TESK2: variants seen among roughly 807,000 people sequenced by gnomAD.
TESK2 encodes testis associated actin remodelling kinase 2.
In TESK2, 39 loss-of-function variants were observed where a neutral mutation model predicts 57.1. That is an observed-to-expected ratio of 0.68 (90% confidence interval 0.53 to 0.89). The LOEUF is 0.89. Among genes scored for constraint, TESK2 ranks in the 40% least tolerant of loss-of-function variants. TESK2 has a pLI of 0.00. For missense variants in TESK2, 646 were observed against 732.1 expected, an observed-to-expected ratio of 0.88 and a Z score of 1.36; for synonymous variants, 249 against 267.9, an observed-to-expected ratio of 0.93 and a Z score of 0.69.
At chr1:45,355,207 T>C in intron 5 of TESK2, 96 bp downstream of exon 5, 2 of 1,364,498 alleles carry the variant, frequency 1.5e-6, no homozygotes, top group Non-Finnish European at 2.0e-6. Context: ...TAATGAATTA[T>C]GTCCTCTGTG....
At chr1:45,409,318 A>G (rs1252961158) in intron 3 of TESK2, among the ~76,000 whole-genome samples, 1 of 152,222 alleles carries the variant, frequency 6.6e-6, no homozygotes, top group Non-Finnish European at 1.5e-5. Flanking sequence ...GAAATATATC[A>G]TATGATTCTG....
chr1:45,383,052 G>T (rs1648727838), intron 4 of TESK2, among the ~76,000 whole-genome samples: 1 of 152,138 alleles, frequency 6.6e-6, no homozygotes, highest in African/African-American at 2.4e-5. Flanking sequence ...TAATGTCAAT[G>T]TTTTATAGGT....
intron 4 of TESK2, among the ~76,000 whole-genome samples, chr1:45,357,104 G>A (rs998497293): frequency 6.6e-6 from 1 of 151,938 alleles, no homozygotes; most frequent in Non-Finnish European, 1.5e-5. Context: ...GCTAAGGCAG[G>A]AGAATCACTT....
At chr1:45,395,298 G>A (rs926715849) in intron 3 of TESK2, among the ~76,000 whole-genome samples, 3 of 152,150 alleles carry the variant, frequency 2.0e-5, no homozygotes, top group African/African-American at 7.2e-5. Flanking sequence ...CTATACGGTA[G>A]AGTCTATTGA....
intron 1 of TESK2, among the ~76,000 whole-genome samples, chr1:45,472,877 C>T (rs1044012006): frequency 6.6e-6 from 1 of 151,642 alleles, no homozygotes; most frequent in African/African-American, 2.4e-5. Flanking sequence ...GTGGCTTACG[C>T]CTGTAATCCC....
chr1:45,396,740 C>T (rs149279963), intron 3 of TESK2, among the ~76,000 whole-genome samples: 55 of 151,420 alleles, frequency 3.6e-4, no homozygotes, highest in African/African-American at 1.1e-3. Context: ...CCACCTGCCT[C>T]GGCCTCCCAA....
chr1:45,364,515 A>C (rs1175607036), intron 4 of TESK2, among the ~76,000 whole-genome samples: 1 of 152,220 alleles, frequency 6.6e-6, no homozygotes. Context: ...CAGCCTTCAG[A>C]ACTCTGAGAT....
chr1:45,347,127 C>CCCTG (rs780750486), intron 7 of TESK2, 65 bp from the exon 8 acceptor site: 51 of 1,363,710 alleles, frequency 3.7e-5, no homozygotes, highest in Non-Finnish European at 4.9e-5. Context: ...CTGCCCCTGC[C>CCCTG]CCTGCCTCCC....
intron 3 of TESK2, among the ~76,000 whole-genome samples, chr1:45,390,520 C>T (rs1274911020): frequency 6.6e-6 from 1 of 151,284 alleles, no homozygotes; most frequent in Non-Finnish European, 1.5e-5. Context: ...ATCTAATTCA[C>T]TTTTTATTTG....
At chr1:45,360,971 C>T (rs1647655773) in intron 4 of TESK2, among the ~76,000 whole-genome samples, 1 of 152,204 alleles carries the variant, frequency 6.6e-6, no homozygotes, top group Non-Finnish European at 1.5e-5. Flanking sequence ...GCTGTGTCAC[C>T]ACACCCAGCT....
intron 2 of TESK2, among the ~76,000 whole-genome samples, chr1:45,444,938 A>G (rs1431634524): frequency 6.6e-6 from 1 of 152,144 alleles, no homozygotes; most frequent in Admixed American, 6.6e-5. Flanking sequence ...CCACACAGTT[A>G]GAATTATGGT....
intron 1 of TESK2, among the ~76,000 whole-genome samples, chr1:45,458,143 T>TA (rs1320808322): frequency 6.6e-6 from 1 of 152,238 alleles, no homozygotes; most frequent in Non-Finnish European, 1.5e-5. Context: ...ATTGAGCACC[T>TA]ACTTTCTAGG....
At chr1:45,420,746 G>A (rs933713080) in intron 3 of TESK2, among the ~76,000 whole-genome samples, 5 of 150,736 alleles carry the variant, frequency 3.3e-5, no homozygotes, top group Non-Finnish European at 5.9e-5. Flanking sequence ...CACCACGCCC[G>A]GCTAACTGTT....
chr1:45,407,053 GA>G (rs1004651435), intron 3 of TESK2, among the ~76,000 whole-genome samples: 1 of 151,882 alleles, frequency 6.6e-6, no homozygotes, highest in Non-Finnish European at 1.5e-5. Context: ...ACATTCAGGG[GA>G]AAAAAATCAA....
chr1:45,452,248 TAC>T (rs1271173621), intron 2 of TESK2, among the ~76,000 whole-genome samples: 4 of 152,156 alleles, frequency 2.6e-5, no homozygotes, highest in Non-Finnish European at 4.4e-5. Flanking sequence ...GTTTATTGAT[TAC>T]AGTGTTGGGA....
rs557397640 is a variant in TESK2 at position 45,443,768 on chromosome 1, C to T, written c.222+13796G>A. ...TTTATTTAACCTGACCTTTAAAGCT[C>T]GATAATCATCTGTACTTTGTAATCA... On this transcript the variant is annotated intron_variant, in intron 2 of 10. Transcript: ENST00000372086. Among the ~76,000 whole-genome samples the T allele has an allele frequency of 3.3e-4, 50 of 152,002 alleles. 1 individual carries two copies. Among genetic ancestry groups the T allele is most frequent in the Non-Finnish European group, 4.4e-5 (3 of 68,008 alleles).
intron 10 of TESK2, 129 bp downstream of exon 10, chr1:45,345,748 A>G: frequency 1.1e-6 from 1 of 894,812 alleles, no homozygotes; most frequent in Non-Finnish European, 1.8e-6. Context: ...TACTTTCTGC[A>G]TCATCTCCTT....
chr1:45,361,301 T>C lies in TESK2; in HGVS notation c.394-5852A>G, dbSNP rs373042998. Among the ~76,000 whole-genome samples, 104 of 152,342 alleles carry C rather than the reference T, an allele frequency of 6.8e-4. 1 individual carries two copies. The highest frequency in any genetic ancestry group is 2.4e-3 in the African/African-American group (101 of 41,576). ...GGGGATAACAGCTGCTTTGCTTTCATTTTCAGCTAGACTACTCCCTCGGTC... is the reference window on the plus strand; with the variant it reads ...GGGGATAACAGCTGCTTTGCTTTCACTTTCAGCTAGACTACTCCCTCGGTC... On this transcript the variant is annotated intron_variant, in intron 4 of 10. Coordinates refer to ENST00000372086, the MANE Select transcript of TESK2 (RefSeq NM_007170.3).
intron 1 of TESK2, among the ~76,000 whole-genome samples, chr1:45,483,322 G>A (rs1433654491): frequency 1.1e-4 from 17 of 151,716 alleles, no homozygotes; most frequent in East Asian, 1.9e-4. Context: ...GGAGCCGGGC[G>A]TGGTGGCTCA....
Sources: allele counts gnomAD v4.1 joint callset (sites outside exome capture counted in the v4.1 genomes callset), GRCh38; gene constraint gnomAD v4.1.1; transcripts MANE v1.5; gene names NCBI Gene and HGNC (gene_info 2026-07-23, HGNC 2026-07-21).